Variants in PEAK1 observed in about 807,000 individuals in gnomAD.
The protein encoded by PEAK1 is inactive tyrosine-protein kinase PEAK1.
In PEAK1, 54 loss-of-function variants were observed where a neutral mutation model predicts 124.7. The ratio of observed to expected loss-of-function variants is 0.43; its 90% CI spans 0.35 to 0.54. The LOEUF (loss-of-function observed/expected upper bound fraction) is 0.54. Ranked by LOEUF, PEAK1 falls within the 20% of genes least tolerant of loss-of-function variation. PEAK1 has a pLI of 0.01. For synonymous variants in PEAK1, 719 were observed against 760.0 expected, an observed-to-expected ratio of 0.95 and a Z score of 0.89; for missense variants, 2,046 against 2,134.5, an observed-to-expected ratio of 0.96 and a Z score of 0.82.
exon 7 of PEAK1, chr15:77,100,717 A>G (rs1218739555): frequency 6.6e-6 from 1 of 152,070 alleles, no homozygotes; most frequent in Non-Finnish European, 1.5e-5. Flanking sequence ...GCAAAAAGAA[A>G]TAAGTCCACA....
chr15:77,133,091 T>G lies in PEAK1; in HGVS notation c.3991A>C (p.Ser1331Arg). Residue 1331 changes from serine (S) to arginine (R), a missense_variant, in exon 9 of 10, where the codon AGT becomes CGT. By Grantham distance (110) the Ser-to-Arg change is moderately radical (BLOSUM62 -1). Coordinates refer to ENST00000682557, the MANE Select transcript of PEAK1 (RefSeq NM_001385026.1). The surrounding 1 kb of genome is among the most constrained non-coding windows in gnomAD (Gnocchi z 4.2). ...CCTGCCTCACAACATGGTTTGTCAC[T>G]GGTTAGCCTGAAGTCTGACCAGCTG... ...VDSWSDFRLT[S>R]DKPCCEAGDA... is the part of the protein sequence containing the mutation. 6.2e-7 allele frequency: 1 copy of G among 1,614,234 alleles called. No homozygotes were observed. Among genetic ancestry groups the G allele is most frequent in the Non-Finnish European group, 8.5e-7 (1 of 1,180,038 alleles).
chr15:77,284,017 T>C lies in PEAK1; in HGVS notation c.-409A>G, dbSNP rs936964885. ...CACAAAATGGTACTTCATTGAAGGA[T>C]GTAATTAGTCTCACTAAAGCAAGAA... On this transcript the variant is annotated 5_prime_UTR_variant, in exon 5 of 10. Coordinates refer to ENST00000682557, the MANE Select transcript of PEAK1 (RefSeq NM_001385026.1). The C allele has an allele frequency of 1.6e-5, 16 of 985,204 alleles. No individual in the cohort carries two copies. In the Admixed American group the frequency reaches 7.4e-4, roughly 45 times the overall value. The allele number at this position is 985,204 out of a possible 1,614,324, so 61.0% of individuals were successfully genotyped here. A position where few individuals can be genotyped will look rare whatever the true frequency, so the allele number is the denominator to read the frequency against.
chr15:77,384,236 C>T (rs1469144925), intron 1 of PEAK1, among the ~76,000 whole-genome samples: 1 of 151,234 alleles, frequency 6.6e-6, no homozygotes, highest in African/African-American at 2.4e-5. Context: ...TTGTCCTTTA[C>T]CTTTACTCCT....
chr15:77,158,247 CT>C lies in PEAK1; in HGVS notation c.3331+255del, dbSNP rs1444833297. 1.7e-5 allele frequency: 7 copies of C among 416,826 alleles called. No homozygotes were observed. The East Asian group carries it at 1.9e-4, about 11-fold the overall frequency. 25.8% of individuals were successfully genotyped at this position (416,826 alleles called of 1,614,324 possible). On this transcript the variant is annotated intron_variant, in intron 8 of 9. Transcript: ENST00000682557. The stretch of plus-strand genomic sequence containing the variant: ...ACTGAAATAATTAACAAGTTCACCT[CT>C]TTCCCCCCAGGTGAGTCCCTCAAAG...
intron 2 of PEAK1, among the ~76,000 whole-genome samples, chr15:77,291,277 C>G (rs1486949017): frequency 6.6e-6 from 1 of 152,134 alleles, no homozygotes; most frequent in Admixed American, 6.5e-5. Context: ...TGATATGAAC[C>G]AACATTTGTG....
At chr15:77,127,109 A>G (rs553536427) in intron 9 of PEAK1, among the ~76,000 whole-genome samples, 2 of 151,504 alleles carry the variant, frequency 1.3e-5, no homozygotes, top group African/African-American at 4.8e-5. Context: ...AAGAACAGAC[A>G]CTGGGGCGTG....
intron 5 of PEAK1, chr15:77,278,339 C>G (rs1368292167): frequency 4.6e-6 from 1 of 215,212 alleles, no homozygotes; most frequent in Non-Finnish European, 9.3e-6. Context: ...GAGAAAGAAG[C>G]TAGATTCAAA....
intron 6 of PEAK1, among the ~76,000 whole-genome samples, chr15:77,236,656 T>C (rs969109073): frequency 5.9e-5 from 9 of 152,146 alleles, no homozygotes; most frequent in African/African-American, 2.2e-4. Flanking sequence ...AGATTGTCTT[T>C]TGAAATGTGA....
intron 5 of PEAK1, among the ~76,000 whole-genome samples, chr15:77,279,617 T>G (rs2152965473): frequency 6.6e-6 from 1 of 152,322 alleles, no homozygotes; most frequent in Non-Finnish European, 1.5e-5. Flanking sequence ...TTAAACAACA[T>G]TCTAAATGTG....
At chr15:77,313,726 GTA>G (rs1555478191) in intron 2 of PEAK1, among the ~76,000 whole-genome samples, 2 of 108,568 alleles carry the variant, frequency 1.8e-5, no homozygotes, top group Non-Finnish European at 1.9e-5. Context: ...GTGTGTGTGT[GTA>G]TATATATATA....
intron 6 of PEAK1, among the ~76,000 whole-genome samples, chr15:77,201,391 C>T (rs190401444): frequency 1.6e-4 from 25 of 152,100 alleles, no homozygotes; most frequent in Admixed American, 1.3e-4. Context: ...GCACCCGCCA[C>T]CACACCTGGC....
intron 6 of PEAK1, among the ~76,000 whole-genome samples, chr15:77,251,391 G>C (rs1439255136): frequency 6.6e-6 from 1 of 151,898 alleles, no homozygotes; most frequent in Admixed American, 6.6e-5. Context: ...TTGGATTCTT[G>C]TCCATTTTAT....
rs936627463 is a variant in PEAK1, at chr15:77,386,798, A to C, written c.-665-21573T>G. On this transcript the variant is annotated intron_variant, in intron 1 of 9. Transcript: ENST00000682557. ...AAGAAGATCTTCCCACGACACCACT[A>C]TGTCTAGATTCCTACTGAACTGCAA... Among the ~76,000 whole-genome samples the C allele has an allele frequency of 1.3e-5, 2 of 152,292 alleles. 1 individual carries two copies. Among genetic ancestry groups the C allele is most frequent in the South Asian group, 4.1e-4 (2 of 4,828 alleles).
Position 77,347,246 on chromosome 15 carries a change from G to A in PEAK1, c.-603+17917C>T, listed in dbSNP as rs976521675. 32 of 984,864 alleles carry A rather than the reference G, an allele frequency of 3.2e-5. No homozygotes were observed. In the African/African-American group the frequency reaches 5.4e-4, roughly 17 times the overall value. The allele number at this position is 984,864 out of a possible 1,614,324, so 61.0% of individuals were successfully genotyped here. On this transcript the variant is annotated intron_variant, in intron 2 of 9. Coordinates refer to ENST00000682557, the MANE Select transcript of PEAK1 (RefSeq NM_001385026.1). ...CCATTTCAAAGTTATCTGCTGAGAA[G>A]ATAAAAATAAAACTATGACCCACGA...
At chr15:77,413,797 C>T (rs574005010) in intron 1 of PEAK1, among the ~76,000 whole-genome samples, 3 of 152,234 alleles carry the variant, frequency 2.0e-5, no homozygotes, top group East Asian at 1.9e-4. Context: ...ATTAGAGGAA[C>T]CCAGGTGAAG....
At chr15:77,319,807 C>T (rs558539146) in intron 2 of PEAK1, among the ~76,000 whole-genome samples, 42 of 152,144 alleles carry the variant, frequency 2.8e-4, no homozygotes, top group African/African-American at 9.1e-4. Context: ...ATAGATGCAC[C>T]CATTTAGAGC....
intron 6 of PEAK1, among the ~76,000 whole-genome samples, chr15:77,196,510 A>C (rs1466360169): frequency 6.6e-6 from 1 of 152,178 alleles, no homozygotes; most frequent in Non-Finnish European, 1.5e-5. Flanking sequence ...ACTGAGAAAC[A>C]CTGGTTTCTT....
chr15:77,403,042 T>C lies in PEAK1; in HGVS notation c.-666+16964A>G, dbSNP rs992561570. 3 of 985,076 alleles carry C rather than the reference T, an allele frequency of 3.0e-6. 1 individual carries two copies. The South Asian group carries it at 1.4e-4, about 46-fold the overall frequency. 61.0% of individuals were successfully genotyped at this position (985,076 alleles called of 1,614,324 possible). Reference sequence around the variant, plus strand: ...CTCTAAGCAATGATGAAATGTTGCATCCCATTGCAGAAGAAAAAGATGGAG... The same window carrying C: ...CTCTAAGCAATGATGAAATGTTGCACCCCATTGCAGAAGAAAAAGATGGAG... On this transcript the variant is annotated intron_variant, in intron 1 of 9. Coordinates refer to ENST00000682557, the MANE Select transcript of PEAK1 (RefSeq NM_001385026.1).
At chr15:77,283,455 G>GA (rs990258980) in intron 5 of PEAK1, among the ~76,000 whole-genome samples, 11 of 150,240 alleles carry the variant, frequency 7.3e-5, no homozygotes, top group South Asian at 4.2e-4. Flanking sequence ...AGACAATTTA[G>GA]AAAAAAAAAT....
Sources: gnomAD v4.1 joint callset for allele counts (sites outside exome capture counted in the v4.1 genomes callset) on GRCh38, gnomAD v4.1.1 for gene constraint, Gnocchi (gnomAD v3.1) non-coding constraint, MANE v1.5 for transcripts, NCBI Gene and HGNC (gene_info 2026-07-23, HGNC 2026-07-21) for gene names.